DOCK1: variants seen among roughly 807,000 people sequenced by gnomAD.
DOCK1 encodes the protein dedicator of cytokinesis 1, also known as dedicator of cytokinesis protein 1.
A neutral mutation model predicts 262.7 loss-of-function variants in DOCK1; 138 were observed. The observed-to-expected ratio is 0.53, with a 90% CI of 0.46 to 0.61. The LOEUF is 0.61. Ranked by LOEUF, DOCK1 falls within the 20% of genes least tolerant of loss-of-function variation. The pLI, the probability that DOCK1 is intolerant of heterozygous loss-of-function variation, is 0.00. For synonymous variants in DOCK1, 866 were observed against 867.4 expected (o/e 1.00, Z 0.03); for missense variants, 1,908 against 2,370.7 (o/e 0.80, Z 4.05).
chr10:127,397,185 C>T lies in DOCK1; in HGVS notation c.3928-5870C>T, dbSNP rs1225676146. On this transcript the variant is annotated intron_variant, in intron 38 of 51. Coordinates refer to ENST00000623213, the MANE Select transcript of DOCK1 (RefSeq NM_001290223.2). ...CTATGTGATCTGAGCATGAGTTACA[C>T]GGGCAGCGTCTCCTGTGATCTGAGC... Among the ~76,000 whole-genome samples the T allele has an allele frequency of 1.4e-4, 18 of 125,738 alleles. 1 individual carries two copies. Among genetic ancestry groups the T allele is most frequent in the African/African-American group, 5.1e-4 (16 of 31,214 alleles). 82.5% of individuals were successfully genotyped at this position (125,738 alleles called of 152,430 possible).
At chr10:126,922,879 G>A (rs2033341215) in intron 1 of DOCK1, among the ~76,000 whole-genome samples, 1 of 152,242 alleles carries the variant, frequency 6.6e-6, no homozygotes. Context: ...GGAAGGCTGA[G>A]GTGGGCGGAG....
chr10:127,335,436 C>G (rs566329935), intron 29 of DOCK1, among the ~76,000 whole-genome samples: 1 of 152,346 alleles, frequency 6.6e-6, no homozygotes, highest in South Asian at 2.1e-4. Context: ...CAATCCTTCT[C>G]ATATTCCTCT....
intron 45 of DOCK1, 51 bp from the exon 46 acceptor site, chr10:127,419,615 A>T (rs1240058300): frequency 7.8e-6 from 12 of 1,530,402 alleles, no homozygotes; most frequent in Non-Finnish European, 9.8e-6. Context: ...GTGTGCAAAA[A>T]CCTGTGTTTG....
At chr10:127,358,968 G>T (rs1006145003) in intron 32 of DOCK1, among the ~76,000 whole-genome samples, 3 of 152,166 alleles carry the variant, frequency 2.0e-5, no homozygotes, top group African/African-American at 7.2e-5. Flanking sequence ...TATGAGACCG[G>T]CAAGGACTGG....
chr10:126,963,186 T>C (rs2037359647), intron 1 of DOCK1, among the ~76,000 whole-genome samples: 1 of 152,210 alleles, frequency 6.6e-6, no homozygotes, highest in African/African-American at 2.4e-5. Flanking sequence ...CAAGATTGTT[T>C]TGGCTAATCT....
chr10:127,198,981 C>T (rs940476173), intron 27 of DOCK1, among the ~76,000 whole-genome samples: 2 of 150,862 alleles, frequency 1.3e-5, no homozygotes, highest in African/African-American at 2.4e-5. Context: ...ACAGATCCCT[C>T]TTGCATTTTT....
intron 18 of DOCK1, among the ~76,000 whole-genome samples, chr10:127,035,279 A>G (rs908424542): frequency 1.3e-5 from 2 of 152,242 alleles, no homozygotes; most frequent in African/African-American, 4.8e-5. Flanking sequence ...TGAGGTTGGT[A>G]TTAAACTTCT....
At chr10:127,049,582 A>G in intron 21 of DOCK1, among the ~76,000 whole-genome samples, 1 of 152,122 alleles carries the variant, frequency 6.6e-6, no homozygotes. Context: ...AAATTGCAAA[A>G]TTTGCTAAGA....
chr10:127,049,215 G>A (rs2044547779), intron 21 of DOCK1, among the ~76,000 whole-genome samples: 1 of 152,042 alleles, frequency 6.6e-6, no homozygotes, highest in East Asian at 1.9e-4. Flanking sequence ...TACACTTTAG[G>A]GTCTTATCAA....
chr10:127,200,815 C>T (rs556449946), intron 27 of DOCK1, among the ~76,000 whole-genome samples: 2 of 152,342 alleles, frequency 1.3e-5, no homozygotes, highest in South Asian at 4.1e-4. Flanking sequence ...GTTCCCTTAA[C>T]CTTAAACATC....
intron 27 of DOCK1, chr10:127,137,547 CG>C (rs1328620925): frequency 1.3e-5 from 4 of 310,218 alleles, no homozygotes; most frequent in South Asian, 9.2e-5. Context: ...ACTTGCAGAT[CG>C]GGGGTGGGGG....
chr10:127,442,334 C>T (rs2070221847), intron 49 of DOCK1, among the ~76,000 whole-genome samples: 1 of 152,152 alleles, frequency 6.6e-6, no homozygotes, highest in Admixed American at 6.5e-5. Context: ...ATCCACCAGG[C>T]CCCCAGACCC....
chr10:127,435,946 C>T (rs945220050), intron 48 of DOCK1, among the ~76,000 whole-genome samples: 1 of 152,176 alleles, frequency 6.6e-6, no homozygotes, highest in Non-Finnish European at 1.5e-5. Context: ...TCTTTGTATA[C>T]GCATCAGGAT....
At chr10:127,280,269 C>T (rs1324233929) in intron 29 of DOCK1, among the ~76,000 whole-genome samples, 2 of 151,778 alleles carry the variant, frequency 1.3e-5, no homozygotes, top group Non-Finnish European at 2.9e-5. Flanking sequence ...CTCCTGACCT[C>T]GTGATCCGCC....
chr10:127,446,016 C>T lies in DOCK1; in HGVS notation c.5414-1378C>T, dbSNP rs936728767. 6.6e-6 allele frequency among the ~76,000 whole-genome samples: 1 copy of T among 152,110 alleles called. No individual in the cohort carries two copies. The highest frequency in any genetic ancestry group is 2.4e-5 in the African/African-American group (1 of 41,434). The stretch of plus-strand genomic sequence containing the variant: ...CTGTCATCCCAGCACTTTGGGAGTT[C>T]GAGGTGGGTGGATCAGCTGAGGTCA... On this transcript the variant is annotated intron_variant, in intron 50 of 51. Coordinates refer to ENST00000623213, the MANE Select transcript of DOCK1 (RefSeq NM_001290223.2). This position sits in a 1 kb window ranked among gnomAD's most constrained non-coding sequence, Gnocchi z 4.4.
At chr10:127,010,383 C>T (rs2041335773) in intron 11 of DOCK1, among the ~76,000 whole-genome samples, 1 of 152,200 alleles carries the variant, frequency 6.6e-6, no homozygotes, top group East Asian at 1.9e-4. Flanking sequence ...AGGAGAATCG[C>T]TTGAACCCGG....
intron 29 of DOCK1, chr10:127,272,089 T>C (rs1182631759): frequency 1.3e-5 from 2 of 152,244 alleles, no homozygotes; most frequent in African/African-American, 4.8e-5. Context: ...TGCTGTTTTG[T>C]GGTCAACCTT....
At chr10:127,354,776 G>T in intron 32 of DOCK1, 49 bp downstream of exon 32, 1 of 1,610,940 alleles carries the variant, frequency 6.2e-7, no homozygotes, top group South Asian at 1.1e-5. Context: ...CATCCCTGGT[G>T]GGTCATGGCA....
chr10:127,089,408 T>C (rs1237751613), intron 23 of DOCK1, among the ~76,000 whole-genome samples: 1 of 152,068 alleles, frequency 6.6e-6, no homozygotes, highest in Non-Finnish European at 1.5e-5. Context: ...AGCCCCTTCC[T>C]TCTTTTTTTC....
Sources: allele counts gnomAD v4.1 joint callset (sites outside exome capture counted in the v4.1 genomes callset), GRCh38; gene constraint gnomAD v4.1.1; non-coding constraint Gnocchi (gnomAD v3.1); transcripts MANE v1.5; gene names NCBI Gene and HGNC (gene_info 2026-07-23, HGNC 2026-07-21).